PSIP1: variants seen among roughly 807,000 people sequenced by gnomAD.
The protein encoded by PSIP1 is PC4 and SRSF1 interacting protein 1.
PSIP1 carries 19 observed loss-of-function variants against 74.7 expected under a neutral mutation model. The observed-to-expected ratio is 0.25, with a 90% CI of 0.18 to 0.37. PSIP1 has a LOEUF of 0.37. PSIP1 is among the 10% of genes least tolerant of loss of function. The pLI, the probability that PSIP1 is intolerant of heterozygous loss-of-function variation, is 1.00. For synonymous variants in PSIP1, 222 were observed against 195.3 expected, an observed-to-expected ratio of 1.14 and a Z score of -1.14; for missense variants, 601 against 614.3, an observed-to-expected ratio of 0.98 and a Z score of 0.23.
intron 3 of PSIP1, chr9:15,505,674 T>C (rs1284141410): frequency 1.3e-5 from 2 of 152,330 alleles, no homozygotes; most frequent in South Asian, 2.1e-4. Flanking sequence ...CTACTAAATA[T>C]ACTAAAATCT....
chr9:15,498,806 T>C (rs2037202347), intron 3 of PSIP1, among the ~76,000 whole-genome samples: 1 of 152,170 alleles, frequency 6.6e-6, no homozygotes, highest in Non-Finnish European at 1.5e-5. Context: ...GGCATTCCAC[T>C]TTAAAATAAC....
intron 3 of PSIP1, among the ~76,000 whole-genome samples, chr9:15,502,556 G>A (rs1483883837): frequency 6.6e-6 from 1 of 152,212 alleles, no homozygotes; most frequent in Non-Finnish European, 1.5e-5. Flanking sequence ...CTACAGACAT[G>A]TCCCAGTGTG....
intron 15 of PSIP1, chr9:15,465,817 C>T (rs766061614): frequency 1.3e-5 from 6 of 448,024 alleles, no homozygotes; most frequent in Non-Finnish European, 2.3e-5. Flanking sequence ...CAAAATAACT[C>T]AGCAAAGTGT....
intron 11 of PSIP1, 47 bp from the exon 12 acceptor site, chr9:15,469,383 C>A: frequency 7.9e-7 from 1 of 1,260,122 alleles, no homozygotes; most frequent in South Asian, 1.4e-5. Context: ...TTTCCAAAAC[C>A]AGTATTTCTA....
chr9:15,500,281 C>T (rs544326294), intron 3 of PSIP1, among the ~76,000 whole-genome samples: 2 of 152,042 alleles, frequency 1.3e-5, no homozygotes, highest in South Asian at 2.1e-4. Context: ...CTGGCTATCA[C>T]GGTGAAACCC....
At chr9:15,472,118 G>A (rs762326878) in intron 10 of PSIP1, 3 of 984,112 alleles carry the variant, frequency 3.0e-6, no homozygotes, top group African/African-American at 1.7e-5. Context: ...AAACAGCTTT[G>A]AATTTGATTT....
chr9:15,473,843 G>A (rs2035947480), intron 9 of PSIP1, among the ~76,000 whole-genome samples, 166 bp downstream of exon 9: 1 of 148,452 alleles, frequency 6.7e-6, no homozygotes, highest in Non-Finnish European at 1.5e-5. Context: ...AGAGGTTGCA[G>A]TGAACCAAGA....
intron 15 of PSIP1, among the ~76,000 whole-genome samples, chr9:15,466,339 T>C (rs1882939): frequency 0.11 from 17,015 of 152,174 alleles, 1,759 homozygotes; most frequent in African/African-American, 0.28. Context: ...GATCGTGCCA[T>C]TGCACTCCAG....
intron 6 of PSIP1, among the ~76,000 whole-genome samples, chr9:15,484,616 A>G (rs1050924552): frequency 1.3e-5 from 2 of 152,056 alleles, no homozygotes. Context: ...AATCCCAGCT[A>G]ATCGGGGGGC....
chr9:15,496,554 C>G (rs1267761491), intron 3 of PSIP1, among the ~76,000 whole-genome samples: 1 of 152,080 alleles, frequency 6.6e-6, no homozygotes, highest in African/African-American at 2.4e-5. Flanking sequence ...TTACGTGTAC[C>G]TTTTCACTAC....
chr9:15,496,243 ACTTAG>A (rs2037068430), intron 3 of PSIP1, among the ~76,000 whole-genome samples: 1 of 152,208 alleles, frequency 6.6e-6, no homozygotes, highest in African/African-American at 2.4e-5. Flanking sequence ...GTGGACTGTT[ACTTAG>A]CTAAGTCATG....
rs113876575 is a variant in PSIP1 at position 15,472,613 on chromosome 9, GAA to G, written c.977+17_977+18del. 4.5e-4 allele frequency: 544 copies of G among 1,208,526 alleles called. No homozygotes were observed. Among genetic ancestry groups the G allele is most frequent in the Non-Finnish European group, 4.3e-4 (388 of 895,500 alleles). The allele number at this position is 1,208,526 out of a possible 1,614,324, so 74.9% of individuals were successfully genotyped here. A position where few individuals can be genotyped will look rare whatever the true frequency, so the allele number is the denominator to read the frequency against. ...GCCTTTAAAAAGAACCCAAAATTTA[GAA>G]AAAAAAAAATACTTACTGCTCAGTT... On this transcript the variant is annotated intron_variant, in intron 10 of 15. Coordinates refer to ENST00000380733, the MANE Select transcript of PSIP1 (RefSeq NM_033222.5).
At position 15,469,342 on chromosome 9, in the gene PSIP1, A is replaced by G; in HGVS notation, c.1034-6T>C. On this transcript the variant is annotated splice_polypyrimidine_tract_variant and splice_region_variant and intron_variant, in intron 11 of 15. Transcript: ENST00000380733. ...TCGAGAATCCATTGATGTTTCTACA[A>G]ATTAAAATATGTGAAAAACAGTGAA... 3 of 1,539,266 alleles carry G rather than the reference A, an allele frequency of 1.9e-6. No homozygotes were observed. The South Asian group carries it at 3.6e-5, about 18-fold the overall frequency.
intron 14 of PSIP1, 26 bp from the exon 15 acceptor site, chr9:15,466,885 CTT>C: frequency 6.4e-7 from 1 of 1,567,588 alleles, no homozygotes; most frequent in Non-Finnish European, 8.7e-7. Flanking sequence ...AATGGAAAAA[CTT>C]TGTTAAAGCT....
chr9:15,481,521 C>T (rs953183107), intron 6 of PSIP1, among the ~76,000 whole-genome samples: 1 of 152,074 alleles, frequency 6.6e-6, no homozygotes, highest in African/African-American at 2.4e-5. Flanking sequence ...CATGGTGAAA[C>T]CCCATCTCTA....
intron 10 of PSIP1, chr9:15,470,653 A>G: frequency 1.1e-6 from 1 of 937,512 alleles, no homozygotes; most frequent in Non-Finnish European, 1.3e-6. Flanking sequence ...TTTAAAAAAA[A>G]CTTTATTTTA....
At chr9:15,476,782 C>G (rs144864116) in intron 8 of PSIP1, among the ~76,000 whole-genome samples, 1 of 152,216 alleles carries the variant, frequency 6.6e-6, no homozygotes, top group East Asian at 1.9e-4. Flanking sequence ...TATTACATTA[C>G]CAAAAGTGAC....
chr9:15,500,184 G>C (rs966733067), intron 3 of PSIP1, among the ~76,000 whole-genome samples: 4 of 152,068 alleles, frequency 2.6e-5, no homozygotes, highest in Admixed American at 2.6e-4. Flanking sequence ...GAGATCAATA[G>C]GGCTGGGCGT....
chr9:15,470,687 T>G, intron 10 of PSIP1: 2 of 936,436 alleles, frequency 2.1e-6, no homozygotes, highest in Non-Finnish European at 2.6e-6. Context: ...AGTTTCATTC[T>G]TAACAAGTCT....
Sources: allele counts gnomAD v4.1 joint callset (sites outside exome capture counted in the v4.1 genomes callset), GRCh38; gene constraint gnomAD v4.1.1; transcripts MANE v1.5; gene names NCBI Gene and HGNC (gene_info 2026-07-23, HGNC 2026-07-21).